The following MATN2 variants were observed in gnomAD, a reference collection of about 807,000 sequenced individuals.
MATN2 encodes the protein matrilin-2.
Under a neutral mutation model 103.2 loss-of-function variants are expected in MATN2, and 69 were observed. That is an observed-to-expected ratio of 0.67 (90% CI 0.55 to 0.82). MATN2 has a LOEUF of 0.82. MATN2 is among the 40% of genes least tolerant of loss of function. The pLI is 0.00. For missense variants in MATN2, 1,023 were observed against 1,211.5 expected (o/e 0.84, Z 2.31); for synonymous variants, 429 against 450.2 (o/e 0.95, Z 0.60).
chr8:97,895,926 C>T (rs1028368754), intron 2 of MATN2, among the ~76,000 whole-genome samples: 2 of 152,222 alleles, frequency 1.3e-5, no homozygotes, highest in African/African-American at 4.8e-5. Flanking sequence ...GGAAAGGATG[C>T]ATGGCTTAGG....
At chr8:98,028,619 C>A (rs1813896469) in intron 14 of MATN2, among the ~76,000 whole-genome samples, 1 of 151,844 alleles carries the variant, frequency 6.6e-6, no homozygotes, top group Non-Finnish European at 1.5e-5. Flanking sequence ...TGGAGGCTTG[C>A]TCTGTCACCG....
intron 2 of MATN2, among the ~76,000 whole-genome samples, chr8:97,919,336 A>G (rs2513820): frequency 0.87 from 132,121 of 152,206 alleles, 57,618 homozygotes; most frequent in African/African-American, 0.96. Flanking sequence ...AAGTTCAAGC[A>G]ATTCTCCTGC....
At position 97,906,373 on chromosome 8, in the gene MATN2, T is replaced by C. The variant is rs150945466; in HGVS notation, c.142+18131T>C. Among the ~76,000 whole-genome samples, 388 of 152,254 alleles carry C rather than the reference T, an allele frequency of 2.5e-3. 2 individuals carry two copies. Among genetic ancestry groups the C allele is most frequent in the African/African-American group, 8.8e-3 (365 of 41,558 alleles). ...GAGGGAACTCAAGAGCTCAGAGATA[T>C]TGTCACATGTCCAAGGTGAGGTGAT... is the stretch of plus-strand genomic sequence containing the variant. On this transcript the variant is annotated intron_variant, in intron 2 of 18. Transcript: ENST00000254898.
chr8:98,004,607 A>G (rs555497486), intron 8 of MATN2, among the ~76,000 whole-genome samples: 49 of 152,354 alleles, frequency 3.2e-4, no homozygotes, highest in South Asian at 6.2e-4. Context: ...TAAACTTCCA[A>G]TCAAGGGGAA....
chr8:98,030,035 T>TA lies in MATN2; in HGVS notation c.2357-426dup, dbSNP rs1418973925. The stretch of plus-strand genomic sequence containing the variant: ...CAGCTTCACTTGGCCTCAGGTCACT[T>TA]ACGTTTCCTACCCTGTAGCTTTGAG... On this transcript the variant is annotated intron_variant, in intron 14 of 18. Coordinates refer to ENST00000254898, the MANE Select transcript of MATN2 (RefSeq NM_002380.5). 5.9e-5 allele frequency among the ~76,000 whole-genome samples: 9 copies of TA among 152,340 alleles called. No individual in the cohort carries two copies. The South Asian group carries it at 6.2e-4, about 11-fold the overall frequency.
chr8:97,877,501 T>G (rs964529807), intron 1 of MATN2, among the ~76,000 whole-genome samples: 2 of 151,510 alleles, frequency 1.3e-5, no homozygotes, highest in African/African-American at 2.4e-5. Flanking sequence ...TTTTTTTTTT[T>G]GTAGAGATGA....
chr8:97,908,215 C>T (rs562114624), intron 2 of MATN2, among the ~76,000 whole-genome samples: 62 of 152,214 alleles, frequency 4.1e-4, no homozygotes, highest in Non-Finnish European at 4.4e-5. Flanking sequence ...CAAGATTGTG[C>T]CGTTGCATTC....
intron 1 of MATN2, 132 bp from the exon 2 acceptor site, chr8:97,887,943 C>A: frequency 2.4e-6 from 2 of 818,498 alleles, no homozygotes; most frequent in Non-Finnish European, 1.8e-6. Context: ...AGGCCAAACA[C>A]ACAAACGGCA....
intron 13 of MATN2, among the ~76,000 whole-genome samples, chr8:98,022,378 C>T (rs1320426180): frequency 1.3e-5 from 2 of 149,192 alleles, no homozygotes; most frequent in East Asian, 2.1e-4. Context: ...CACACACACA[C>T]ATACACACAC....
At chr8:97,892,840 T>G (rs1358671307) in intron 2 of MATN2, among the ~76,000 whole-genome samples, 4 of 152,120 alleles carry the variant, frequency 2.6e-5, no homozygotes. Context: ...TTCCCCAAAC[T>G]ACACTTGAGA....
intron 10 of MATN2, among the ~76,000 whole-genome samples, chr8:98,013,607 G>A (rs939097266): frequency 6.6e-6 from 1 of 152,212 alleles, no homozygotes; most frequent in Non-Finnish European, 1.5e-5. Context: ...GGCCCAGGCA[G>A]CATCCCAGAA....
chr8:97,990,661 C>T (rs1812362810), intron 6 of MATN2, among the ~76,000 whole-genome samples: 1 of 152,250 alleles, frequency 6.6e-6, no homozygotes, highest in Non-Finnish European at 1.5e-5. Flanking sequence ...ACTATTGACA[C>T]ACATATGAAT....
chr8:97,941,358 C>G (rs529323209), intron 3 of MATN2, among the ~76,000 whole-genome samples: 6 of 152,072 alleles, frequency 3.9e-5, no homozygotes, highest in Non-Finnish European at 8.8e-5. Flanking sequence ...GGTTCTTTAA[C>G]ACATTCTTGC....
rs777565329 is a variant in MATN2 at position 97,994,527 on chromosome 8, G to A, written c.1129G>A (p.Val377Ile). 4 of 1,613,614 alleles carry A rather than the reference G, an allele frequency of 2.5e-6. No homozygotes were observed. In the South Asian group the frequency reaches 3.3e-5, roughly 13 times the overall value. ...TAATCACGGATGTCAGCACGAGTGT[G>A]TTAACACAGATGATTCCTATTCCTG... ...SSNHGCQHECVNTDDSYSCHC... is the reference protein window; with the variant it reads ...SSNHGCQHECINTDDSYSCHC... Residue 377 changes from valine to isoleucine, a missense_variant, in exon 7 of 19, where the codon GTT (valine) becomes ATT (isoleucine). Transcript: ENST00000254898.
intron 5 of MATN2, among the ~76,000 whole-genome samples, chr8:97,974,742 GC>G (rs1811775645): frequency 6.6e-6 from 1 of 152,224 alleles, no homozygotes; most frequent in Non-Finnish European, 1.5e-5. Context: ...ACCGCGTCCA[GC>G]CCCAGCCCAG....
At position 97,990,052 on chromosome 8, in the gene MATN2, G is replaced by T. The variant is rs151172150; in HGVS notation, c.1082-4428G>T. On this transcript the variant is annotated intron_variant, in intron 6 of 18. Transcript: ENST00000254898. ...TGAACATTAGCCAGGCATGGTGGCA[G>T]GTGCCTGTAATCCTAGCTACTTGGG... Among the ~76,000 whole-genome samples the T allele has an allele frequency of 7.6e-3, 1,162 of 151,904 alleles. 21 individuals are homozygous for T. The highest frequency in any genetic ancestry group is 0.027 in the African/African-American group (1,118 of 41,416).
chr8:98,027,541 A>G lies in MATN2; in HGVS notation c.2068A>G (p.Lys690Glu), dbSNP rs1172937281. Reference protein sequence around the residue: ...GIIDSLTISPKAARVGLLQYS... With the variant: ...GIIDSLTISPEAARVGLLQYS... ...TATAGATTCCTTGACAATTTCCCCC[A>G]AAGCCGCTCGAGTGGGGCTGCTCCA... Residue 690 changes from lysine to glutamate, a missense_variant, in exon 14 of 19, where the codon AAA becomes GAA. Lys to Glu is a moderately conservative substitution (Grantham distance 56). Transcript: ENST00000254898. 2 of 1,613,796 alleles carry G rather than the reference A, an allele frequency of 1.2e-6. No homozygotes were observed. Among genetic ancestry groups the G allele is most frequent in the Non-Finnish European group, 1.7e-6 (2 of 1,179,898 alleles).
At chr8:97,947,796 A>G (rs1810803785) in intron 4 of MATN2, among the ~76,000 whole-genome samples, 1 of 152,200 alleles carries the variant, frequency 6.6e-6, no homozygotes, top group Admixed American at 6.5e-5. Context: ...AAAAAACTAG[A>G]ATAGTCAAAC....
In MATN2 at chr8:97,906,498, C is replaced by A. The variant is rs576962018; in HGVS notation, c.142+18256C>A. Among the ~76,000 whole-genome samples, 23 of 152,282 alleles carry A rather than the reference C, an allele frequency of 1.5e-4. No homozygotes were observed. In the South Asian group the frequency reaches 2.1e-3, roughly 14 times the overall value. ...GTCTGTTCTCATGTACATGATCCAC[C>A]CCAGCCAGTGGTCAGAACTGAGTCA... On this transcript the variant is annotated intron_variant, in intron 2 of 18. Coordinates refer to ENST00000254898, the MANE Select transcript of MATN2 (RefSeq NM_002380.5).
Sources: gnomAD v4.1 joint callset for allele counts (sites outside exome capture counted in the v4.1 genomes callset) on GRCh38, gnomAD v4.1.1 for gene constraint, MANE v1.5 for transcripts, NCBI Gene and HGNC (gene_info 2026-07-23, HGNC 2026-07-21) for gene names.